The following REELD1 variants were observed in gnomAD, a reference collection of about 807,000 sequenced individuals.
The protein encoded by REELD1 is reeler domain containing 1, also known as reelin domain-containing protein 1.
Under a neutral mutation model 6.3 loss-of-function variants are expected in REELD1, and 12 were observed. That is an observed-to-expected ratio of 1.89 (90% CI 1.21 to 3.07). The LOEUF is 3.07. Among genes scored for constraint, REELD1 ranks in the 30% most tolerant of loss-of-function variants. The probability of loss-of-function intolerance (pLI) is 0.00; values close to 1 mark genes in which losing one functional copy is unlikely to be tolerated. For missense variants in REELD1, 163 were observed against 86.8 expected, an observed-to-expected ratio of 1.88 and a Z score of -3.49; for synonymous variants, 57 against 33.6, an observed-to-expected ratio of 1.70 and a Z score of -2.42.
chr4:146,219,402 G>A (rs1001944576), intron 3 of REELD1, among the ~76,000 whole-genome samples: 2 of 152,074 alleles, frequency 1.3e-5, no homozygotes, highest in Non-Finnish European at 2.9e-5. Flanking sequence ...GGATCTGTGA[G>A]CTCCTTGAAG....
At chr4:146,219,628 T>TA (rs951008480) in intron 3 of REELD1, among the ~76,000 whole-genome samples, 18 of 152,260 alleles carry the variant, frequency 1.2e-4, no homozygotes, top group African/African-American at 4.3e-4. Context: ...GTGGCTTTTT[T>TA]AAAAAAAATT....
At chr4:146,216,670 T>C (rs889825159) in intron 2 of REELD1, among the ~76,000 whole-genome samples, 2 of 152,220 alleles carry the variant, frequency 1.3e-5, no homozygotes, top group African/African-American at 4.8e-5. Context: ...TTAAAGCCTC[T>C]CTTTTGAACA....
intron 5 of REELD1, among the ~76,000 whole-genome samples, chr4:146,225,959 G>A (rs954663805): frequency 6.6e-6 from 1 of 152,068 alleles, no homozygotes; most frequent in African/African-American, 2.4e-5. Context: ...AAACATGTAT[G>A]TATGCTTGTG....
chr4:146,218,511 A>G (rs1730864827), intron 3 of REELD1, among the ~76,000 whole-genome samples: 1 of 152,240 alleles, frequency 6.6e-6, no homozygotes, highest in African/African-American at 2.4e-5. Context: ...ATAAACAAAA[A>G]TGAAATTTAC....
At chr4:146,228,580 G>A (rs1456216225) in intron 6 of REELD1, 58 bp downstream of exon 6, 12 of 636,932 alleles carry the variant, frequency 1.9e-5, no homozygotes, top group Non-Finnish European at 3.4e-5. Flanking sequence ...GAACACTGGA[G>A]TGCATCATGT....
chr4:146,224,429 C>A lies in REELD1; in HGVS notation c.432-16C>A. 1 of 609,404 alleles carries A rather than the reference C, an allele frequency of 1.6e-6. No individual in the cohort carries two copies. The highest frequency in any genetic ancestry group is 1.8e-5 in the African/African-American group (1 of 54,540). 37.7% of individuals were successfully genotyped at this position (609,404 alleles called of 1,614,324 possible). On this transcript the variant is annotated splice_polypyrimidine_tract_variant and intron_variant, in intron 4 of 7. Transcript: ENST00000623665. ...AACTAAATCCGTGAACTGCTCTGCT[C>A]TTTCTCTTTCCCCAGTTTATCAGTA...
rs995537976 is a variant in REELD1 at position 146,230,388 on chromosome 4, G to A, written c.1456G>A (p.Val486Ile). ...TTTCAGTGAGCCCGCTTCGGATGCT[G>A]TTGCCAGGAGCAACAGTGGTGAGAC... Reference protein sequence around the residue: ...VSFSEPASDAVARSNSGETVH... With the variant: ...VSFSEPASDAIARSNSGETVH... Residue 486 changes from valine to isoleucine, a missense_variant, in exon 8 of 8, where the codon GTT (valine) becomes ATT (isoleucine). By Grantham distance (29) the Val-to-Ile change is conservative. Coordinates refer to ENST00000623665, the MANE Select transcript of REELD1 (RefSeq NM_001354631.1). 5 of 398,680 alleles carry A rather than the reference G, an allele frequency of 1.3e-5. No homozygotes were observed. The highest frequency in any genetic ancestry group is 2.2e-5 in the Non-Finnish European group (5 of 226,182). 24.7% of individuals were successfully genotyped at this position (398,680 alleles called of 1,614,324 possible).
intron 3 of REELD1, among the ~76,000 whole-genome samples, chr4:146,221,137 C>A (rs552171923): frequency 1.3e-5 from 2 of 152,146 alleles, no homozygotes; most frequent in Admixed American, 6.5e-5. Flanking sequence ...GTTGTACAAC[C>A]ATCATCACTA....
At chr4:146,224,355 G>T in intron 4 of REELD1, 90 bp from the exon 5 acceptor site, 2 of 491,582 alleles carry the variant, frequency 4.1e-6, no homozygotes. Context: ...TTATCTGTTA[G>T]TGTGTTCTCT....
chr4:146,219,483 C>T (rs1730882980), intron 3 of REELD1, among the ~76,000 whole-genome samples: 1 of 152,120 alleles, frequency 6.6e-6, no homozygotes, highest in Non-Finnish European at 1.5e-5. Context: ...TTCAATAGTT[C>T]TAAATATTTG....
rs536161906 is a variant in REELD1, at chr4:146,230,441, C to T, written c.1509C>T (p.Asn503=). The change falls in exon 8 of 8, where the codon AAC becomes AAT. Residue 503 remains asparagine, a synonymous_variant. Transcript: ENST00000623665. ...TGCACGTCAGGAAGATTGGGGAGAA[C>T]AGTTTTGTTTTGGTTCAAGCAGAGT... ...ETVHVRKIGE[N]SFVLVQAEYN... The T allele has an allele frequency of 1.8e-5, 7 of 398,700 alleles. No individual in the cohort carries two copies. The highest frequency in any genetic ancestry group is 1.0e-4 in the African/African-American group (5 of 48,758). 24.7% of individuals were successfully genotyped at this position (398,700 alleles called of 1,614,324 possible).
chr4:146,224,302 ATCTC>A (rs910260245), intron 4 of REELD1, 139 bp from the exon 5 acceptor site: 3 of 420,094 alleles, frequency 7.1e-6, no homozygotes, highest in South Asian at 8.9e-5. Flanking sequence ...TAATAATATA[ATCTC>A]TCTCTCTCAT....
intron 3 of REELD1, among the ~76,000 whole-genome samples, chr4:146,219,638 T>G (rs1399394036): frequency 6.6e-6 from 1 of 152,206 alleles, no homozygotes; most frequent in Non-Finnish European, 1.5e-5. Flanking sequence ...TAAAAAAAAT[T>G]TTAAATAGCT....
chr4:146,230,706 A>G lies in REELD1; in HGVS notation c.*193A>G, dbSNP rs2278471. Reference sequence around the variant, plus strand: ...AGTTATTCCTGAGCTTTGTTGTCTTAACATCTGTAATTGGGCTTCCTTCTT... The same window carrying G: ...AGTTATTCCTGAGCTTTGTTGTCTTGACATCTGTAATTGGGCTTCCTTCTT... On this transcript the variant is annotated 3_prime_UTR_variant, in exon 8 of 8. Transcript: ENST00000623665. 0.35 allele frequency: 135,533 copies of G among 386,590 alleles called. 24,412 individuals carry two copies. The highest frequency in any genetic ancestry group is 0.41 in the African/African-American group (20,097 of 48,448). The allele number at this position is 386,590 out of a possible 1,614,324, so 23.9% of individuals were successfully genotyped here. A position where few individuals can be genotyped will look rare whatever the true frequency, so the allele number is the denominator to read the frequency against.
intron 5 of REELD1, among the ~76,000 whole-genome samples, chr4:146,226,671 C>T (rs940976040): frequency 6.6e-6 from 1 of 152,170 alleles, no homozygotes; most frequent in Non-Finnish European, 1.5e-5. Flanking sequence ...CCTCTTTACA[C>T]TATTGCATTG....
At chr4:146,218,019 G>A (rs530575863) in intron 3 of REELD1, among the ~76,000 whole-genome samples, 3 of 152,296 alleles carry the variant, frequency 2.0e-5, no homozygotes, top group East Asian at 1.9e-4. Context: ...GAACGTGAGC[G>A]CAGGTGGTTT....
intron 5 of REELD1, among the ~76,000 whole-genome samples, chr4:146,225,566 C>T (rs6848383): frequency 0.026 from 3,910 of 152,238 alleles, 181 homozygotes; most frequent in African/African-American, 0.09. Flanking sequence ...CCCACCAAGA[C>T]ACTCCTAAAA....
intron 4 of REELD1, 105 bp from the exon 5 acceptor site, chr4:146,224,340 C>A: frequency 4.4e-6 from 2 of 450,968 alleles, no homozygotes; most frequent in Non-Finnish European, 7.8e-6. Flanking sequence ...TAGTTTTGTT[C>A]CTCTTTATCT....
rs1169565581 is a variant in REELD1, at chr4:146,229,106, G to A, written c.972+18G>A. Reference sequence around the variant, plus strand: ...GTGAACAGGTAAGAACCTGAACTGTGAAGTGGGCTTGTGACTGGTATTTTG... The same window carrying A: ...GTGAACAGGTAAGAACCTGAACTGTAAAGTGGGCTTGTGACTGGTATTTTG... On this transcript the variant is annotated intron_variant, in intron 7 of 7. Coordinates refer to ENST00000623665, the MANE Select transcript of REELD1 (RefSeq NM_001354631.1). 1 of 700,796 alleles carries A rather than the reference G, an allele frequency of 1.4e-6. No individual in the cohort carries two copies. The highest frequency in any genetic ancestry group is 2.7e-5 in the East Asian group (1 of 37,220). The allele number at this position is 700,796 out of a possible 1,614,324, so 43.4% of individuals were successfully genotyped here. A position where few individuals can be genotyped will look rare whatever the true frequency, so the allele number is the denominator to read the frequency against.
Sources: allele counts gnomAD v4.1 joint callset (sites outside exome capture counted in the v4.1 genomes callset), GRCh38; gene constraint gnomAD v4.1.1; transcripts MANE v1.5; gene names NCBI Gene and HGNC (gene_info 2026-07-23, HGNC 2026-07-21).